The following RPGRIP1L variants were observed in gnomAD, a reference collection of about 807,000 sequenced individuals.
RPGRIP1L encodes RPGRIP1 like, also known as protein fantom.
In RPGRIP1L, 131 loss-of-function variants were observed where a neutral mutation model predicts 160.4. That is an observed-to-expected ratio of 0.82 (90% CI 0.71 to 0.94). The LOEUF (loss-of-function observed/expected upper bound fraction) is 0.94. Among genes scored for constraint, RPGRIP1L ranks in the 40% least tolerant of loss-of-function variants. The pLI, the probability that RPGRIP1L is intolerant of heterozygous loss-of-function variation, is 0.00. For missense variants in RPGRIP1L, 1,522 were observed against 1,535.8 expected, an observed-to-expected ratio of 0.99 and a Z score of 0.15; for synonymous variants, 510 against 515.8, an observed-to-expected ratio of 0.99 and a Z score of 0.15.
intron 25 of RPGRIP1L, among the ~76,000 whole-genome samples, chr16:53,608,884 A>T (rs1963848946): frequency 6.6e-6 from 1 of 152,222 alleles, no homozygotes; most frequent in Admixed American, 6.5e-5. Flanking sequence ...GAGGGAGAAC[A>T]GTCAATGGGG....
At chr16:53,645,028 G>T (rs1235731619) in intron 17 of RPGRIP1L, among the ~76,000 whole-genome samples, 5 of 152,098 alleles carry the variant, frequency 3.3e-5, no homozygotes, top group Non-Finnish European at 1.5e-5. Flanking sequence ...AACATAGGAA[G>T]ACCAAATATA....
At chr16:53,614,929 A>G (rs1009298777) in intron 24 of RPGRIP1L, among the ~76,000 whole-genome samples, 2 of 152,250 alleles carry the variant, frequency 1.3e-5, no homozygotes, top group African/African-American at 4.8e-5. Context: ...TACTTCTGCA[A>G]GCTGGATAAA....
intron 1 of RPGRIP1L, chr16:53,703,172 G>T (rs1453793777): frequency 6.6e-6 from 1 of 152,316 alleles, no homozygotes; most frequent in East Asian, 1.9e-4. Flanking sequence ...GGGAGGCTGA[G>T]GCAGAAGAAT....
At chr16:53,698,193 C>T (rs1970978529) in intron 2 of RPGRIP1L, among the ~76,000 whole-genome samples, 1 of 150,152 alleles carries the variant, frequency 6.7e-6, no homozygotes, top group South Asian at 2.1e-4. Context: ...AAGTGAGGAG[C>T]CCCTCCGCCC....
chr16:53,677,585 T>G (rs570524407), intron 6 of RPGRIP1L, among the ~76,000 whole-genome samples: 18 of 152,128 alleles, frequency 1.2e-4, no homozygotes, highest in Non-Finnish European at 2.2e-4. Context: ...ACTTCAAACC[T>G]GACAATCAAC....
intron 23 of RPGRIP1L, among the ~76,000 whole-genome samples, chr16:53,620,727 G>A (rs1964655806): frequency 6.6e-6 from 1 of 152,156 alleles, no homozygotes; most frequent in African/African-American, 2.4e-5. Flanking sequence ...CTCCGTTCAC[G>A]TGCATAAAAA....
rs113965656 is a variant in RPGRIP1L, at chr16:53,673,921, C to T, written c.883-905G>A. ...GTTATTGTTGGTATTTAAACTAATACCTGGGTTCACTGTTAAATAGAAATC... is the reference window on the plus strand; with the variant it reads ...GTTATTGTTGGTATTTAAACTAATATCTGGGTTCACTGTTAAATAGAAATC... On this transcript the variant is annotated intron_variant, in intron 7 of 26. Transcript: ENST00000647211. 6.7e-4 allele frequency among the ~76,000 whole-genome samples: 102 copies of T among 152,258 alleles called. 1 individual carries two copies. The highest frequency in any genetic ancestry group is 2.4e-3 in the African/African-American group (99 of 41,572).
chr16:53,630,456 A>G (rs1039786165), intron 22 of RPGRIP1L, among the ~76,000 whole-genome samples: 1 of 152,216 alleles, frequency 6.6e-6, no homozygotes, highest in Non-Finnish European at 1.5e-5. Flanking sequence ...ATTGTTATAT[A>G]TAATAATGTT....
intron 11 of RPGRIP1L, 103 bp from the exon 12 acceptor site, chr16:53,658,567 C>T (rs1967470191): frequency 1.0e-6 from 1 of 993,464 alleles, no homozygotes; most frequent in African/African-American, 1.6e-5. Context: ...CTGACTGATG[C>T]CATGAACTAA....
intron 26 of RPGRIP1L, among the ~76,000 whole-genome samples, chr16:53,603,800 A>G (rs1598201836): frequency 6.6e-6 from 1 of 152,178 alleles, no homozygotes; most frequent in East Asian, 1.9e-4. Context: ...TGAAAATGGC[A>G]TGAGTGGTCC....
At chr16:53,635,949 C>T (rs1034702677) in intron 22 of RPGRIP1L, among the ~76,000 whole-genome samples, 4 of 152,056 alleles carry the variant, frequency 2.6e-5, no homozygotes, top group Non-Finnish European at 4.4e-5. Flanking sequence ...CAAAGTATAC[C>T]GGCACAAGAT....
Position 53,692,309 on chromosome 16 carries a change from C to A in RPGRIP1L, c.286G>T (p.Gly96Cys). The A allele has an allele frequency of 6.2e-7, 1 of 1,614,132 alleles. No homozygotes were observed. The highest frequency in any genetic ancestry group is 8.5e-7 in the Non-Finnish European group (1 of 1,180,008). ...VNDKKRYERV[G>C]GGPKRLGRDV... The stretch of plus-strand genomic sequence containing the variant: ...CGTCCCAGCCGCTTGGGGCCGCCAC[C>A]AACCCGCTCATATCTTTTCTTGTCA... Residue 96 changes from glycine (G) to cysteine (C), a missense_variant, in exon 4 of 27, where the codon GGT becomes TGT. Transcript: ENST00000647211.
chr16:53,644,678 C>T (rs907755041), intron 17 of RPGRIP1L, among the ~76,000 whole-genome samples: 3 of 152,132 alleles, frequency 2.0e-5, no homozygotes, highest in Admixed American at 2.0e-4. Flanking sequence ...ACTCAAAGTG[C>T]AGAAAGTTAA....
intron 24 of RPGRIP1L, among the ~76,000 whole-genome samples, chr16:53,614,934 G>C (rs1020631549): frequency 1.1e-4 from 16 of 152,166 alleles, no homozygotes; most frequent in African/African-American, 3.1e-4. Flanking sequence ...CTGCAAGCTG[G>C]ATAAATCCTT....
chr16:53,611,043 C>A lies in RPGRIP1L; in HGVS notation c.3625G>T (p.Val1209Leu), dbSNP rs373993184. The change falls in exon 25 of 27, where the codon GTG becomes TTG. Residue 1209 changes from valine to leucine, a missense_variant. Transcript: ENST00000647211. ...VYYNYSNVIY[V>L]DKENNKAKRD... ...TTTGCTTTGTTGTTTTCTTTATCCA[C>A]GTAGATCACTATACCAAAAGAAAAA... 6.2e-6 allele frequency: 10 copies of A among 1,610,956 alleles called. No individual in the cohort carries two copies. In the East Asian group the frequency reaches 1.8e-4, roughly 29 times the overall value.
intron 23 of RPGRIP1L, among the ~76,000 whole-genome samples, chr16:53,620,108 T>C (rs1964614588): frequency 6.6e-6 from 1 of 152,140 alleles, no homozygotes; most frequent in Non-Finnish European, 1.5e-5. Context: ...CAAATAATAA[T>C]TAGAAAAACC....
chr16:53,611,264 C>T (rs2150939156), intron 24 of RPGRIP1L, among the ~76,000 whole-genome samples: 1 of 152,292 alleles, frequency 6.6e-6, no homozygotes, highest in Non-Finnish European at 1.5e-5. Flanking sequence ...TTTATGTGCA[C>T]ACTGTCAGAA....
Position 53,646,149 on chromosome 16 carries a change from C to T in RPGRIP1L, c.2305-146G>A, listed in dbSNP as rs2151084975. The T allele has an allele frequency of 1.2e-5, 9 of 734,750 alleles. No individual in the cohort carries two copies. In the South Asian group the frequency reaches 1.6e-4, roughly 13 times the overall value. The allele number at this position is 734,750 out of a possible 1,614,324, so 45.5% of individuals were successfully genotyped here. A position where few individuals can be genotyped will look rare whatever the true frequency, so the allele number is the denominator to read the frequency against. On this transcript the variant is annotated intron_variant, in intron 16 of 26. Transcript: ENST00000647211. ...TTTCTCAGTAAAATAAACTTTTATTCTAATGGAAAATCAATATTCCCTAGA... is the reference window on the plus strand; with the variant it reads ...TTTCTCAGTAAAATAAACTTTTATTTTAATGGAAAATCAATATTCCCTAGA...
At chr16:53,670,011 T>C (rs1016061126) in intron 9 of RPGRIP1L, among the ~76,000 whole-genome samples, 7 of 152,164 alleles carry the variant, frequency 4.6e-5, no homozygotes, top group Non-Finnish European at 7.4e-5. Context: ...AATAGGGTAC[T>C]GTGCAATTTG....
Sources: allele counts gnomAD v4.1 joint callset (sites outside exome capture counted in the v4.1 genomes callset), GRCh38; gene constraint gnomAD v4.1.1; transcripts MANE v1.5; gene names NCBI Gene and HGNC (gene_info 2026-07-23, HGNC 2026-07-21).